The following NBAS variants were observed in gnomAD, a reference collection of about 807,000 sequenced individuals.
NBAS encodes the protein NBAS subunit of NRZ tethering complex.
NBAS carries 219 observed loss-of-function variants against 302.5 expected under a neutral mutation model. The observed-to-expected ratio is 0.72, with a 90% CI of 0.65 to 0.81. The LOEUF (loss-of-function observed/expected upper bound fraction) is 0.81. Ranked by LOEUF, NBAS falls within the 30% of genes least tolerant of loss-of-function variation. The probability of loss-of-function intolerance (pLI) is 0.00; values close to 1 mark genes in which losing one functional copy is unlikely to be tolerated. For synonymous variants in NBAS, 1,118 were observed against 1,021.6 expected (o/e 1.09, Z -1.80); for missense variants, 2,932 against 2,841.6 (o/e 1.03, Z -0.72).
At chr2:15,076,509 G>A in the NBAS span, among the ~76,000 whole-genome samples, 3 of 152,180 alleles carry the variant, frequency 2.0e-5, no homozygotes, top group East Asian at 1.9e-4. Flanking sequence ...GGGACTTGGC[G>A]ACAGAAATAC....
At chr2:15,125,510 C>A in the NBAS span, among the ~76,000 whole-genome samples, 1 of 124,098 alleles carries the variant, frequency 8.1e-6, no homozygotes, top group Non-Finnish European at 1.7e-5. Context: ...TCATCTTCCA[C>A]CAGGCTTATC....
At chr2:14,944,912 C>T in the NBAS span, among the ~76,000 whole-genome samples, 2 of 152,158 alleles carry the variant, frequency 1.3e-5, no homozygotes, top group African/African-American at 4.8e-5. Context: ...TCTTGGGTGT[C>T]CTGGCAGGAC....
At chr2:15,017,945 G>A in the NBAS span, among the ~76,000 whole-genome samples, 757 of 152,078 alleles carry the variant, frequency 5.0e-3, 4 homozygotes, top group Non-Finnish European at 7.7e-3. Flanking sequence ...ATACACAATT[G>A]AATATTATTT....
chr2:15,117,079 C>T, the NBAS span, among the ~76,000 whole-genome samples: 69 of 152,096 alleles, frequency 4.5e-4, no homozygotes, highest in African/African-American at 1.4e-3. Context: ...TTGTGCCCTT[C>T]GCAATACGTA....
intron 16 of NBAS, among the ~76,000 whole-genome samples, chr2:15,469,140 T>C (rs1679849573): frequency 1.3e-5 from 2 of 152,238 alleles, no homozygotes; most frequent in Non-Finnish European, 2.9e-5. Flanking sequence ...TGTTGATCTT[T>C]TCAAAAAACC....
chr2:15,060,301 C>T, the NBAS span, among the ~76,000 whole-genome samples: 1 of 152,192 alleles, frequency 6.6e-6, no homozygotes, highest in Non-Finnish European at 1.5e-5. Context: ...TCCTCCCCAC[C>T]TGCGTCCCCA....
At chr2:15,202,871 C>T (rs75269884) in intron 48 of NBAS, among the ~76,000 whole-genome samples, 4 of 152,266 alleles carry the variant, frequency 2.6e-5, no homozygotes, top group African/African-American at 9.6e-5. Flanking sequence ...GCTATTGAAA[C>T]TAAGGCCATA....
chr2:15,158,925 TG>T, the NBAS span, among the ~76,000 whole-genome samples: 1 of 152,206 alleles, frequency 6.6e-6, no homozygotes, highest in East Asian at 1.9e-4. Context: ...TGTCTGTGGC[TG>T]GTTGTGAGAG....
the NBAS span, among the ~76,000 whole-genome samples, chr2:14,789,073 G>A: frequency 6.6e-6 from 1 of 152,220 alleles, no homozygotes; most frequent in Non-Finnish European, 1.5e-5. Context: ...CCGCCTTGCA[G>A]TTTGATCTCA....
chr2:15,476,304 T>TA (rs1680188860), intron 13 of NBAS, among the ~76,000 whole-genome samples: 1 of 151,958 alleles, frequency 6.6e-6, no homozygotes, highest in Non-Finnish European at 1.5e-5. Context: ...CTGAGAGAAA[T>TA]ACACCCTTTA....
chr2:14,792,939 T>C, the NBAS span, among the ~76,000 whole-genome samples: 11,669 of 152,208 alleles, frequency 0.077, 553 homozygotes, highest in African/African-American at 0.13. Flanking sequence ...ACTATATTTA[T>C]AGATAGGGCT....
chr2:15,034,260 G>GAAAC, the NBAS span, among the ~76,000 whole-genome samples: 5 of 98,034 alleles, frequency 5.1e-5, no homozygotes, highest in Non-Finnish European at 4.2e-5. Context: ...AAGAAAGAAA[G>GAAAC]AAAGAAAGAA....
chr2:15,197,047 C>T (rs776685008), intron 48 of NBAS, among the ~76,000 whole-genome samples: 1 of 152,152 alleles, frequency 6.6e-6, no homozygotes, highest in Non-Finnish European at 1.5e-5. Flanking sequence ...AGGATCCATT[C>T]CCTGACTTCA....
chr2:15,354,123 AC>A (rs1433602160), intron 33 of NBAS, among the ~76,000 whole-genome samples: 1 of 152,208 alleles, frequency 6.6e-6, no homozygotes, highest in Non-Finnish European at 1.5e-5. Context: ...TCCTACAAGG[AC>A]AATAATAACA....
At chr2:15,499,921 A>G (rs1661428187) in intron 11 of NBAS, among the ~76,000 whole-genome samples, 1 of 150,742 alleles carries the variant, frequency 6.6e-6, no homozygotes, top group African/African-American at 2.4e-5. Flanking sequence ...CTTGATAGCA[A>G]AGAGTATCAC....
chr2:15,492,713 G>A (rs996776484), intron 11 of NBAS, among the ~76,000 whole-genome samples: 2 of 151,946 alleles, frequency 1.3e-5, no homozygotes, highest in East Asian at 1.9e-4. Flanking sequence ...TGCCTGCCTC[G>A]GCCTCCCAAA....
At chr2:15,168,518 C>G (rs1247073114) in intron 51 of NBAS, among the ~76,000 whole-genome samples, 1 of 152,240 alleles carries the variant, frequency 6.6e-6, no homozygotes, top group East Asian at 1.9e-4. Flanking sequence ...CTGACATTTT[C>G]TTTAACTCTC....
chr2:14,789,361 C>A, the NBAS span, among the ~76,000 whole-genome samples: 515 of 152,232 alleles, frequency 3.4e-3, 6 homozygotes, highest in East Asian at 0.051. Context: ...CACTGTCTGG[C>A]ACTCCCTAGT....
chr2:14,853,928 G>C, the NBAS span, among the ~76,000 whole-genome samples: 2,892 of 109,662 alleles, frequency 0.026, 146 homozygotes, highest in African/African-American at 0.098. Context: ...GTGGTGGGGT[G>C]GGGGGAGGGG....
Sources: gnomAD v4.1 joint callset for allele counts (sites outside exome capture counted in the v4.1 genomes callset) on GRCh38, gnomAD v4.1.1 for gene constraint, MANE v1.5 for transcripts, NCBI Gene and HGNC (gene_info 2026-07-23, HGNC 2026-07-21) for gene names.